Variants in SHISA9 observed in about 807,000 individuals in gnomAD.
SHISA9 encodes protein shisa-9.
SHISA9 carries 13 observed loss-of-function variants against 38.0 expected under a neutral mutation model. The ratio of observed to expected loss-of-function variants is 0.34; its 90% CI spans 0.22 to 0.54. SHISA9 has a LOEUF of 0.54. Ranked by LOEUF, SHISA9 falls within the 20% of genes least tolerant of loss-of-function variation. The pLI is 0.91. For synonymous variants in SHISA9, 275 were observed against 242.0 expected, an observed-to-expected ratio of 1.14 and a Z score of -1.27; for missense variants, 538 against 575.8, an observed-to-expected ratio of 0.93 and a Z score of 0.67.
intron 2 of SHISA9, among the ~76,000 whole-genome samples, chr16:13,068,885 G>T (rs1381050204): frequency 6.6e-6 from 1 of 152,098 alleles, no homozygotes; most frequent in Non-Finnish European, 1.5e-5. Flanking sequence ...GTGTATTCAT[G>T]TGTGTACATG....
At chr16:13,524,598 A>G in the SHISA9 span, among the ~76,000 whole-genome samples, 4 of 152,116 alleles carry the variant, frequency 2.6e-5, no homozygotes, top group Non-Finnish European at 4.4e-5. Flanking sequence ...TTGCTTTGTC[A>G]CCCAGACTGG....
At chr16:12,912,052 G>A (rs936708484) in intron 1 of SHISA9, among the ~76,000 whole-genome samples, 5 of 152,184 alleles carry the variant, frequency 3.3e-5, no homozygotes, top group Admixed American at 6.5e-5. Context: ...ATCTTCCTTG[G>A]TCCAAGGTTC....
Position 13,161,280 on chromosome 16 carries a change from G to A in SHISA9, c.692-42114G>A, listed in dbSNP as rs903749341. ...TGCTACATTGATGGGTCGCTCTGTGGTGTCACTCAGGATATCTTTCCCCCC... is the reference window on the plus strand; with the variant it reads ...TGCTACATTGATGGGTCGCTCTGTGATGTCACTCAGGATATCTTTCCCCCC... On this transcript the variant is annotated intron_variant, in intron 2 of 4. Coordinates refer to ENST00000558583, the MANE Select transcript of SHISA9 (RefSeq NM_001145204.3). Among the ~76,000 whole-genome samples, 20 of 152,218 alleles carry A rather than the reference G, an allele frequency of 1.3e-4. No homozygotes were observed. In the East Asian group the frequency reaches 3.7e-3, roughly 28 times the overall value.
At chr16:13,539,710 T>C in the SHISA9 span, among the ~76,000 whole-genome samples, 1 of 152,134 alleles carries the variant, frequency 6.6e-6, no homozygotes, top group Non-Finnish European at 1.5e-5. Flanking sequence ...GTAATAAGCA[T>C]GGAACCCAAT....
the SHISA9 span, among the ~76,000 whole-genome samples, chr16:13,312,364 C>T: frequency 2.1e-4 from 32 of 152,184 alleles, no homozygotes; most frequent in African/African-American, 6.8e-4. Context: ...TCCCACTTTT[C>T]AAAGAATCAA....
chr16:13,467,167 G>A, the SHISA9 span, among the ~76,000 whole-genome samples: 29 of 152,174 alleles, frequency 1.9e-4, no homozygotes, highest in Non-Finnish European at 2.9e-5. Flanking sequence ...GTGTCTGTGA[G>A]TGTGTTGTCA....
intron 2 of SHISA9, among the ~76,000 whole-genome samples, chr16:12,966,432 T>C (rs936439951): frequency 3.0e-4 from 45 of 152,188 alleles, no homozygotes; most frequent in South Asian, 2.1e-4. Flanking sequence ...TTCTTTCTTT[T>C]TTTGTAGAGA....
the SHISA9 span, among the ~76,000 whole-genome samples, chr16:13,327,073 T>C: frequency 1.3e-5 from 2 of 152,186 alleles, no homozygotes; most frequent in Admixed American, 6.5e-5. Flanking sequence ...CTTGGCATTG[T>C]GTTTACCAAT....
chr16:13,115,277 A>T (rs979383814), intron 2 of SHISA9, among the ~76,000 whole-genome samples: 3 of 152,220 alleles, frequency 2.0e-5, no homozygotes, highest in Non-Finnish European at 4.4e-5. Flanking sequence ...AGAGGTGTGA[A>T]GTGGGAAATC....
intron 2 of SHISA9, among the ~76,000 whole-genome samples, chr16:12,960,174 T>C (rs966443263): frequency 1.3e-5 from 2 of 152,240 alleles, no homozygotes; most frequent in African/African-American, 4.8e-5. Context: ...AAAGGAATTA[T>C]CTCCACTTAG....
the SHISA9 span, among the ~76,000 whole-genome samples, chr16:13,247,456 G>C: frequency 6.6e-6 from 1 of 152,126 alleles, no homozygotes; most frequent in African/African-American, 2.4e-5. Flanking sequence ...TCTTACTCAA[G>C]GTCACAGAGC....
the SHISA9 span, among the ~76,000 whole-genome samples, chr16:13,328,517 A>C: frequency 1.4e-5 from 2 of 147,956 alleles, no homozygotes; most frequent in African/African-American, 5.0e-5. Flanking sequence ...GGTTCAAATG[A>C]TTCTCCTGCC....
intron 2 of SHISA9, among the ~76,000 whole-genome samples, chr16:13,159,111 AACAC>A (rs2050574033): frequency 6.6e-6 from 1 of 152,048 alleles, no homozygotes; most frequent in African/African-American, 2.4e-5. Context: ...ACCCAGCAAA[AACAC>A]AACAAAAACA....
At chr16:12,930,395 A>G (rs550936023) in intron 2 of SHISA9, among the ~76,000 whole-genome samples, 4 of 152,378 alleles carry the variant, frequency 2.6e-5, no homozygotes, top group Admixed American at 1.3e-4. Flanking sequence ...TTAAAAGCTC[A>G]TGAATACATA....
At chr16:13,340,801 A>C in the SHISA9 span, among the ~76,000 whole-genome samples, 2 of 152,122 alleles carry the variant, frequency 1.3e-5, no homozygotes, top group African/African-American at 4.8e-5. Context: ...CTTGAGCTCA[A>C]AATGTGTCCT....
At chr16:13,019,842 C>G (rs1364329673) in intron 2 of SHISA9, among the ~76,000 whole-genome samples, 6 of 63,502 alleles carry the variant, frequency 9.4e-5, no homozygotes, top group Non-Finnish European at 1.6e-4. Flanking sequence ...CTTTTTCCTT[C>G]CTTCCCTCCC....
chr16:13,444,776 T>TCCCTCCC, the SHISA9 span, among the ~76,000 whole-genome samples: 1 of 147,312 alleles, frequency 6.8e-6, no homozygotes. Context: ...AGATTTCTCT[T>TCCCTCCC]TCTTCCCTCC....
chr16:13,478,626 T>C, the SHISA9 span, among the ~76,000 whole-genome samples: 1 of 152,262 alleles, frequency 6.6e-6, no homozygotes, highest in Non-Finnish European at 1.5e-5. Context: ...AATTTATTTA[T>C]GATTTAGTTA....
intron 4 of SHISA9, among the ~76,000 whole-genome samples, chr16:13,227,881 T>C (rs1160100339): frequency 1.3e-5 from 2 of 152,218 alleles, no homozygotes; most frequent in East Asian, 3.8e-4. Flanking sequence ...TTGGTTTGGA[T>C]GAATGCCTGC....
Sources: gnomAD v4.1 joint callset for allele counts (sites outside exome capture counted in the v4.1 genomes callset) on GRCh38, gnomAD v4.1.1 for gene constraint, MANE v1.5 for transcripts, NCBI Gene and HGNC (gene_info 2026-07-23, HGNC 2026-07-21) for gene names.